Variants in ATP8B1 observed in about 807,000 individuals in gnomAD.
ATP8B1 encodes the protein phospholipid-transporting ATPase IC.
A neutral mutation model predicts 149.9 loss-of-function variants in ATP8B1; 80 were observed. That is an observed-to-expected ratio of 0.53 (90% CI 0.45 to 0.64). The LOEUF (loss-of-function observed/expected upper bound fraction) is 0.64, where lower values mean the gene tolerates loss of function less well. Among genes scored for constraint, ATP8B1 ranks in the 30% least tolerant of loss-of-function variants. The pLI is 0.00. For synonymous variants in ATP8B1, 536 were observed against 562.8 expected, an observed-to-expected ratio of 0.95 and a Z score of 0.67; for missense variants, 1,247 against 1,552.6, an observed-to-expected ratio of 0.80 and a Z score of 3.31.
At position 57,731,692 on chromosome 18, in the gene ATP8B1, G is replaced by A. The variant is rs757640278; in HGVS notation, c.116C>T (p.Ala39Val). 3.7e-6 allele frequency: 6 copies of A among 1,613,954 alleles called. No homozygotes were observed. The African/African-American group carries it at 6.7e-5, about 18-fold the overall frequency. ...GACTCGGTTTTGTTCTGGTTCAACA[G>A]CAGACCCCTGGTCATCAAGTTCATC... ...TEDELDDQGS[A>V]VEPEQNRVNR... Residue 39 changes from alanine (A) to valine (V), a missense_variant, in exon 2 of 28, where the codon GCT becomes GTT. This residue lies in a region of ATP8B1 where 853 missense variants were observed against 1,035.7 expected (regional missense o/e 0.82). Coordinates refer to ENST00000648908, the MANE Select transcript of ATP8B1 (RefSeq NM_001374385.1).
At position 57,691,780 on chromosome 18, in the gene ATP8B1, G is replaced by A. The variant is rs373600306; in HGVS notation, c.1220+27C>T. 3.1e-6 allele frequency: 5 copies of A among 1,612,978 alleles called. No individual in the cohort carries two copies. In the South Asian group the frequency reaches 4.4e-5, roughly 14 times the overall value. On this transcript the variant is annotated intron_variant, in intron 12 of 27. Coordinates refer to ENST00000648908, the MANE Select transcript of ATP8B1 (RefSeq NM_001374385.1). ...GAAGGTACAACATTCTTCCATTAAA[G>A]CAAAATGCCAGAGAGGACAGCCTTA...
At chr18:57,753,945 AAAAG>A (rs1414147771) in intron 1 of ATP8B1, among the ~76,000 whole-genome samples, 1,305 of 84,940 alleles carry the variant, frequency 0.015, 67 homozygotes, top group Middle Eastern at 0.032. Flanking sequence ...AAAAAAAAAA[AAAAG>A]AAAGAAAGAA....
chr18:57,763,812 A>C (rs1263021528), intron 1 of ATP8B1, among the ~76,000 whole-genome samples: 1 of 152,060 alleles, frequency 6.6e-6, no homozygotes, highest in Non-Finnish European at 1.5e-5. Flanking sequence ...TGCCGAAGAG[A>C]TACTGAGTTC....
chr18:57,736,203 TC>T (rs1488521100), intron 1 of ATP8B1, among the ~76,000 whole-genome samples: 1 of 152,166 alleles, frequency 6.6e-6, no homozygotes, highest in African/African-American at 2.4e-5. Flanking sequence ...TTGTTTGAGT[TC>T]CTTGTATATT....
At chr18:57,652,260 G>T (rs950099457) in intron 25 of ATP8B1, 88 bp from the exon 26 acceptor site, 21 of 1,551,834 alleles carry the variant, frequency 1.4e-5, no homozygotes, top group Non-Finnish European at 1.9e-5. Context: ...ACAGAATTCA[G>T]CAAGTTAGGC....
intron 1 of ATP8B1, among the ~76,000 whole-genome samples, chr18:57,768,673 T>C (rs1197903749): frequency 6.6e-6 from 1 of 150,786 alleles, no homozygotes; most frequent in Non-Finnish European, 1.5e-5. Context: ...AAATATTACA[T>C]AGCTAATCCT....
chr18:57,760,924 G>C (rs539366935), intron 1 of ATP8B1, among the ~76,000 whole-genome samples: 30 of 151,924 alleles, frequency 2.0e-4, no homozygotes, highest in African/African-American at 7.0e-4. Context: ...AGGAGGCAGA[G>C]GTTGCAGTGA....
chr18:57,662,588 G>A lies in ATP8B1; in HGVS notation c.2313C>T (p.Asn771=). ...INSLLHARME[N]QRNRGGVYAK... ...CGTAGACGCCACCTCTATTCCTCTG[G>A]TTTTCCATCCTTGCATGAAGAAGAG... is the stretch of plus-strand genomic sequence containing the variant. The change falls in exon 21 of 28, where the codon AAC becomes AAT. Residue 771 remains asparagine (N), a synonymous_variant. Transcript: ENST00000648908. The A allele has an allele frequency of 1.2e-6, 2 of 1,614,070 alleles. No homozygotes were observed. The highest frequency in any genetic ancestry group is 1.7e-6 in the Non-Finnish European group (2 of 1,180,018).
At chr18:57,782,313 G>A (rs912547397) in intron 1 of ATP8B1, among the ~76,000 whole-genome samples, 3 of 152,228 alleles carry the variant, frequency 2.0e-5, no homozygotes, top group South Asian at 2.1e-4. Context: ...CAGCTGCTGC[G>A]TTGCAGACGC....
At chr18:57,781,662 A>G (rs1441740359) in intron 1 of ATP8B1, among the ~76,000 whole-genome samples, 2 of 152,218 alleles carry the variant, frequency 1.3e-5, no homozygotes, top group African/African-American at 4.8e-5. Flanking sequence ...AAATCCTAAC[A>G]CAGACTGTTA....
chr18:57,667,785 C>T (rs886927103), intron 19 of ATP8B1: 8 of 186,690 alleles, frequency 4.3e-5, no homozygotes, highest in Non-Finnish European at 6.9e-5. Context: ...CCAACCCTTA[C>T]GTGAAGATTT....
intron 1 of ATP8B1, among the ~76,000 whole-genome samples, chr18:57,790,037 TCTAAAA>T (rs2080447428): frequency 6.6e-6 from 1 of 152,168 alleles, no homozygotes; most frequent in Admixed American, 6.5e-5. Context: ...ACATTCATCT[TCTAAAA>T]CTACTCCTTG....
chr18:57,732,513 G>T (rs2079796397), intron 1 of ATP8B1, among the ~76,000 whole-genome samples: 1 of 151,636 alleles, frequency 6.6e-6, no homozygotes, highest in Non-Finnish European at 1.5e-5. Context: ...TAAAATAGTT[G>T]TACACATTCA....
chr18:57,768,403 AAAAAAAAGAAAAG>A (rs1332558038), intron 1 of ATP8B1, among the ~76,000 whole-genome samples: 1 of 149,814 alleles, frequency 6.7e-6, no homozygotes, highest in African/African-American at 2.4e-5. Context: ...AAAAAAAAAA[AAAAAAAAGAAAAG>A]AAAAGAAAAG....
intron 1 of ATP8B1, among the ~76,000 whole-genome samples, chr18:57,787,550 T>A (rs1020174934): frequency 3.3e-5 from 5 of 152,190 alleles, no homozygotes; most frequent in Non-Finnish European, 7.3e-5. Flanking sequence ...TGGAGCTCCA[T>A]CTAGAACACT....
rs117479009 is a variant in ATP8B1, at chr18:57,663,580, T to C, written c.2286-965A>G. Among the ~76,000 whole-genome samples, 336 of 152,246 alleles carry C rather than the reference T, an allele frequency of 2.2e-3. 10 individuals carry two copies. In the East Asian group the frequency reaches 0.048, roughly 22 times the overall value. On this transcript the variant is annotated intron_variant, in intron 20 of 27. Transcript: ENST00000648908. ...CACACAAAGGTTCCTTCAACAATGA[T>C]TGTTATTTTCTATTGTGTTTTGTTT...
chr18:57,737,353 AT>A (rs1028525687), intron 1 of ATP8B1, among the ~76,000 whole-genome samples: 4 of 151,222 alleles, frequency 2.6e-5, no homozygotes, highest in Non-Finnish European at 5.9e-5. Context: ...TATTATTGTT[AT>A]TTTTTTTTTG....
chr18:57,732,742 T>TCAC (rs2079799836), intron 1 of ATP8B1, among the ~76,000 whole-genome samples: 1 of 152,064 alleles, frequency 6.6e-6, no homozygotes, highest in Admixed American at 6.6e-5. Context: ...TTTGTATTTT[T>TCAC]AGTAGAGACG....
At chr18:57,660,565 C>G (rs1346456976) in intron 22 of ATP8B1, among the ~76,000 whole-genome samples, 1 of 152,230 alleles carries the variant, frequency 6.6e-6, no homozygotes, top group Non-Finnish European at 1.5e-5. Context: ...GTCGTCCAGG[C>G]TGGAGTGCAG....
Sources: gnomAD v4.1 joint callset for allele counts (sites outside exome capture counted in the v4.1 genomes callset) on GRCh38, gnomAD v4.1.1 for gene constraint, gnomAD v4.1.1 regional missense constraint, MANE v1.5 for transcripts, NCBI Gene and HGNC (gene_info 2026-07-23, HGNC 2026-07-21) for gene names.